ADGRB3: variants seen among roughly 807,000 people sequenced by gnomAD.
ADGRB3 encodes the protein adhesion G protein-coupled receptor B3.
Under a neutral mutation model 193.4 loss-of-function variants are expected in ADGRB3, and 37 were observed. That is an observed-to-expected ratio of 0.19 (90% CI 0.15 to 0.25). The LOEUF is 0.25. Among genes scored for constraint, ADGRB3 ranks in the 10% least tolerant of loss-of-function variants. ADGRB3 has a pLI of 1.00. For synonymous variants in ADGRB3, 690 were observed against 644.2 expected (o/e 1.07, Z -1.08); for missense variants, 1,637 against 1,852.9 (o/e 0.88, Z 2.14).
chr6:69,219,118 T>A (rs555497773), intron 17 of ADGRB3, among the ~76,000 whole-genome samples: 1 of 152,104 alleles, frequency 6.6e-6, no homozygotes, highest in African/African-American at 2.4e-5. Context: ...TTCCTTTATC[T>A]TGAAATTGCA....
At chr6:68,848,479 A>C (rs1292951729) in intron 3 of ADGRB3, among the ~76,000 whole-genome samples, 1 of 152,068 alleles carries the variant, frequency 6.6e-6, no homozygotes, top group South Asian at 2.1e-4. Context: ...TTGACTTGGG[A>C]GTGAAAAGTC....
At chr6:69,069,729 AT>A (rs1772020161) in intron 16 of ADGRB3, among the ~76,000 whole-genome samples, 1 of 82,662 alleles carries the variant, frequency 1.2e-5, no homozygotes, top group Non-Finnish European at 2.7e-5. Flanking sequence ...AGACTCTCTC[AT>A]TAAAAAAAAA....
At chr6:68,940,799 C>T (rs12528300) in intron 5 of ADGRB3, among the ~76,000 whole-genome samples, 14,440 of 151,788 alleles carry the variant, frequency 0.095, 872 homozygotes, top group Non-Finnish European at 0.13. Flanking sequence ...GGCTGAGGCA[C>T]GAGAATCACT....
intron 10 of ADGRB3, among the ~76,000 whole-genome samples, chr6:68,983,816 G>A (rs1322579757): frequency 6.6e-6 from 1 of 151,980 alleles, no homozygotes; most frequent in Non-Finnish European, 1.5e-5. Context: ...GTTTGGAAAC[G>A]ACTTCAGATT....
intron 3 of ADGRB3, among the ~76,000 whole-genome samples, chr6:68,664,235 T>G (rs1768742979): frequency 6.6e-6 from 1 of 151,816 alleles, no homozygotes; most frequent in Non-Finnish European, 1.5e-5. Flanking sequence ...ACCGATTTTT[T>G]TTTAGTAGTA....
intron 20 of ADGRB3, among the ~76,000 whole-genome samples, chr6:69,308,547 T>C (rs1768113099): frequency 6.6e-6 from 1 of 151,750 alleles, no homozygotes; most frequent in Admixed American, 6.6e-5. Context: ...AGCATAATAA[T>C]ATGTGTCTGT....
At chr6:68,781,836 C>T (rs1488923866) in intron 3 of ADGRB3, among the ~76,000 whole-genome samples, 1 of 151,870 alleles carries the variant, frequency 6.6e-6, no homozygotes, top group African/African-American at 2.4e-5. Context: ...TAGCTGGAAG[C>T]CTAAAAGCCA....
intron 3 of ADGRB3, among the ~76,000 whole-genome samples, chr6:68,718,898 G>A (rs563606748): frequency 6.6e-6 from 1 of 151,872 alleles, no homozygotes; most frequent in South Asian, 2.1e-4. Flanking sequence ...GTTTAAGGCT[G>A]CCTTTGCGCT....
At chr6:68,944,702 C>G (rs188973374) in intron 6 of ADGRB3, among the ~76,000 whole-genome samples, 19 of 152,142 alleles carry the variant, frequency 1.2e-4, no homozygotes, top group Admixed American at 7.9e-4. Flanking sequence ...CAACATCAAA[C>G]AAATTCCTCC....
At chr6:69,385,410 A>T (rs1426236717) in intron 31 of ADGRB3, among the ~76,000 whole-genome samples, 1 of 152,030 alleles carries the variant, frequency 6.6e-6, no homozygotes, top group Non-Finnish European at 1.5e-5. Flanking sequence ...ACAAGTGGAC[A>T]GCCAGTGTGC....
intron 29 of ADGRB3, among the ~76,000 whole-genome samples, chr6:69,367,708 C>T (rs543601651): frequency 1.3e-4 from 19 of 151,818 alleles, no homozygotes; most frequent in African/African-American, 3.1e-4. Context: ...ATGTTTATTG[C>T]GGCATTATTC....
chr6:68,985,925 C>G (rs1333766887), intron 10 of ADGRB3, among the ~76,000 whole-genome samples: 2 of 152,088 alleles, frequency 1.3e-5, no homozygotes, highest in Non-Finnish European at 2.9e-5. Context: ...GGCCACTATA[C>G]TGTTTTGAGC....
intron 3 of ADGRB3, among the ~76,000 whole-genome samples, chr6:68,884,894 A>G (rs1307321791): frequency 1.3e-5 from 2 of 152,110 alleles, no homozygotes; most frequent in East Asian, 3.9e-4. Flanking sequence ...GGCTTCCTAT[A>G]CCTCCTAGAA....
intron 3 of ADGRB3, among the ~76,000 whole-genome samples, chr6:68,918,514 T>A (rs1766942979): frequency 6.6e-6 from 1 of 152,228 alleles, no homozygotes; most frequent in Non-Finnish European, 1.5e-5. Context: ...CCTAGCATTG[T>A]CATCAAGGTG....
intron 3 of ADGRB3, among the ~76,000 whole-genome samples, chr6:68,822,161 A>G (rs1241471724): frequency 6.6e-6 from 1 of 151,894 alleles, no homozygotes; most frequent in Non-Finnish European, 1.5e-5. Context: ...AAGAAAGCGG[A>G]TGACATTCGG....
chr6:68,806,638 T>C (rs1246681956), intron 3 of ADGRB3, among the ~76,000 whole-genome samples: 2 of 151,672 alleles, frequency 1.3e-5, no homozygotes, highest in Non-Finnish European at 2.9e-5. Flanking sequence ...AATATGTGAA[T>C]ATAAATATAT....
At chr6:68,798,427 T>C (rs1767250709) in intron 3 of ADGRB3, among the ~76,000 whole-genome samples, 1 of 151,990 alleles carries the variant, frequency 6.6e-6, no homozygotes, top group Admixed American at 6.6e-5. Context: ...TAGAAGCACA[T>C]TTAAAACGTA....
chr6:68,902,631 TA>T (rs369674766), intron 3 of ADGRB3, among the ~76,000 whole-genome samples: 31 of 151,950 alleles, frequency 2.0e-4, no homozygotes, highest in African/African-American at 7.5e-4. Flanking sequence ...AAAAAGGCCA[TA>T]AAAAAGCCAA....
At chr6:68,898,733 G>A (rs1375542134) in intron 3 of ADGRB3, among the ~76,000 whole-genome samples, 1 of 152,066 alleles carries the variant, frequency 6.6e-6, no homozygotes, top group African/African-American at 2.4e-5. Context: ...TATCAACAGG[G>A]ATAATTCATG....
Sources: gnomAD v4.1 joint callset for allele counts (sites outside exome capture counted in the v4.1 genomes callset) on GRCh38, gnomAD v4.1.1 for gene constraint, MANE v1.5 for transcripts, NCBI Gene and HGNC (gene_info 2026-07-23, HGNC 2026-07-21) for gene names.